The following IFT140 variants were observed in gnomAD, a reference collection of about 807,000 sequenced individuals.
IFT140 encodes the protein intraflagellar transport 140, also known as intraflagellar transport protein 140 homolog.
Under a neutral mutation model 164.6 loss-of-function variants are expected in IFT140, and 133 were observed. The observed-to-expected ratio is 0.81, with a 90% confidence interval of 0.70 to 0.93. IFT140 has a LOEUF of 0.93. IFT140 is among the 40% of genes least tolerant of loss of function. IFT140 has a pLI of 0.00. For missense variants in IFT140, 2,045 were observed against 1,972.3 expected, an observed-to-expected ratio of 1.04 and a Z score of -0.70; for synonymous variants, 860 against 817.3, an observed-to-expected ratio of 1.05 and a Z score of -0.89.
At chr16:1,579,070 C>G (rs2034421737) in intron 13 of IFT140, among the ~76,000 whole-genome samples, 1 of 152,168 alleles carries the variant, frequency 6.6e-6, no homozygotes, top group African/African-American at 2.4e-5. Context: ...TTGTTGACAA[C>G]AAGACTTACC....
chr16:1,539,973 G>C (rs2141275333), intron 19 of IFT140, among the ~76,000 whole-genome samples: 1 of 152,346 alleles, frequency 6.6e-6, no homozygotes. Flanking sequence ...CAGTGGAAAA[G>C]CCTGGCATCC....
In IFT140 at chr16:1,602,679, C is replaced by A. The variant is rs140148755; in HGVS notation, c.148-88G>T. The A allele has an allele frequency of 6.9e-3, 8,597 of 1,239,520 alleles. 46 individuals carry two copies. Among genetic ancestry groups the A allele is most frequent in the Non-Finnish European group, 8.5e-3 (7,448 of 875,260 alleles). 76.8% of individuals were successfully genotyped at this position (1,239,520 alleles called of 1,614,324 possible). A position where few individuals can be genotyped will look rare whatever the true frequency, so the allele number is the denominator to read the frequency against. On this transcript the variant is annotated intron_variant, in intron 3 of 30. Coordinates refer to ENST00000426508, the MANE Select transcript of IFT140 (RefSeq NM_014714.4). ...TGTCTAGGCCGGGCACGGCGGCTCA[C>A]TCCTGTAATTACAGCACTTTGGGAG...
intron 4 of IFT140, among the ~76,000 whole-genome samples, chr16:1,600,417 C>A (rs1596457899): frequency 7.0e-6 from 1 of 142,904 alleles, no homozygotes; most frequent in South Asian, 2.4e-4. Flanking sequence ...CTGCCAAATC[C>A]CCCTCTGTGA....
rs368307981 is a variant in IFT140, at chr16:1,526,777, T to C, written c.2419A>G (p.Met807Val). The change falls in exon 20 of 31, where the codon ATG (methionine) becomes GTG (valine). Residue 807 changes from methionine to valine, a missense_variant. Physicochemically the swap from Met to Val is conservative, Grantham distance 21. Coordinates refer to ENST00000426508, the MANE Select transcript of IFT140 (RefSeq NM_014714.4). ...LIKSEAVWEN[M>V]ARMCVKTQRL... ...TGGGTCTTCACGCACATGCGCGCCA[T>C]GTTCTCCCAGACGGCCTCACTGTGG... The C allele has an allele frequency of 3.1e-6, 5 of 1,610,078 alleles. No homozygotes were observed. In the African/African-American group the frequency reaches 4.0e-5, roughly 13 times the overall value.
rs1567327347 is a variant in IFT140, at chr16:1,523,905, CG to C, written c.3192del (p.Glu1065ArgfsTer3). On this transcript the variant is annotated frameshift_variant, in exon 25 of 31. Transcript: ENST00000426508. LOFTEE classifies it high-confidence loss of function. The part of the protein sequence containing the change: ...QLMNLALLSS[P>X]EDMIEAARYY... ...TATCGGGCCGCCTCGATCATGTCCTCGGGGGAGCTCAGCAGGGCCAAGTTCA... is the reference window on the plus strand; with the variant it reads ...TATCGGGCCGCCTCGATCATGTCCTCGGGGAGCTCAGCAGGGCCAAGTTCA... The C allele has an allele frequency of 6.2e-7, 1 of 1,613,480 alleles. No individual in the cohort carries two copies.
intron 6 of IFT140, among the ~76,000 whole-genome samples, chr16:1,591,717 C>T (rs1191330186): frequency 1.3e-5 from 2 of 152,194 alleles, no homozygotes; most frequent in African/African-American, 4.8e-5. Context: ...GCGCTGACCT[C>T]CCCATGAAGG....
At position 1,520,001 on chromosome 16, in the gene IFT140, A is replaced by G. The variant is rs761853895; in HGVS notation, c.3920T>C (p.Leu1307Pro). Residue 1307 changes from leucine to proline, a missense_variant, in exon 29 of 31, where the codon CTG becomes CCG. Transcript: ENST00000426508. The stretch of plus-strand genomic sequence containing the variant: ...GGCCAGGCACTTGTAGGCCTCGGTC[A>G]GCGCCCCGTGGGCTTTGTCGTAGTT... ...YQNYDKAHGA[L>P]TEAYKCLAKA... is the part of the protein sequence containing the mutation. 6.2e-7 allele frequency: 1 copy of G among 1,604,328 alleles called. No homozygotes were observed. The highest frequency in any genetic ancestry group is 8.5e-7 in the Non-Finnish European group (1 of 1,175,826).
intron 19 of IFT140, chr16:1,530,922 C>T (rs1418986574): frequency 6.6e-6 from 1 of 152,414 alleles, no homozygotes; most frequent in East Asian, 1.9e-4. Flanking sequence ...CTGGACACGC[C>T]CTCCTACAGG....
intron 19 of IFT140, among the ~76,000 whole-genome samples, chr16:1,536,430 G>C (rs1168924908): frequency 6.6e-6 from 1 of 152,136 alleles, no homozygotes; most frequent in Non-Finnish European, 1.5e-5. Flanking sequence ...CTGAGCCCTG[G>C]TCAGCCCCTT....
chr16:1,526,898 C>T, intron 19 of IFT140, 102 bp from the exon 20 acceptor site: 2 of 1,317,884 alleles, frequency 1.5e-6, no homozygotes, highest in Middle Eastern at 2.6e-4. Context: ...GGCACAGCTG[C>T]CAAACGGGCA....
At chr16:1,583,424 A>G in intron 11 of IFT140, 38 bp from the exon 12 acceptor site, 1 of 1,582,398 alleles carries the variant, frequency 6.3e-7, no homozygotes, top group Non-Finnish European at 8.7e-7. Context: ...AAAGGGCGGG[A>G]AAAGTGAGGT....
rs907014600 is a variant in IFT140, at chr16:1,519,768, A to G, written c.4040+113T>C. 2.9e-6 allele frequency: 3 copies of G among 1,028,420 alleles called. No individual in the cohort carries two copies. The African/African-American group carries it at 4.9e-5, about 17-fold the overall frequency. The allele number at this position is 1,028,420 out of a possible 1,614,324, so 63.7% of individuals were successfully genotyped here. A position where few individuals can be genotyped will look rare whatever the true frequency, so the allele number is the denominator to read the frequency against. On this transcript the variant is annotated intron_variant, in intron 29 of 30. Transcript: ENST00000426508. ...TGTCTTCAGCAGTAGTGCTGTCCCAAGTGAGCTCCCATCTGCTGTCCTGCC... is the reference window on the plus strand; with the variant it reads ...TGTCTTCAGCAGTAGTGCTGTCCCAGGTGAGCTCCCATCTGCTGTCCTGCC...
intron 19 of IFT140, chr16:1,555,352 T>C (rs563731219): frequency 3.4e-6 from 1 of 296,726 alleles, no homozygotes; most frequent in Non-Finnish European, 6.4e-6. Context: ...CCGCTTTGCT[T>C]TGGGATTAAT....
In IFT140 at chr16:1,511,084, G is replaced by T; in HGVS notation, c.4249C>A (p.Pro1417Thr). The T allele has an allele frequency of 6.2e-7, 1 of 1,610,478 alleles. No homozygotes were observed. The highest frequency in any genetic ancestry group is 1.1e-5 in the South Asian group (1 of 90,522). ...CGGTGCACGGCGTCCACGGCCTGCG[G>T]GCTCACGTAGTAGGACATGTTGGCC... ...PLANMSYYVS[P>T]QAVDAVHRGL... The change falls in exon 31 of 31, where the codon CCG (proline) becomes ACG (threonine). Residue 1417 changes from proline (P) to threonine (T), a missense_variant. Pro to Thr is a conservative substitution (Grantham distance 38). Coordinates refer to ENST00000426508, the MANE Select transcript of IFT140 (RefSeq NM_014714.4).
At chr16:1,525,050 C>G (rs866512889) in intron 22 of IFT140, 134 bp from the exon 23 acceptor site, 2 of 1,360,396 alleles carry the variant, frequency 1.5e-6, no homozygotes, top group Middle Eastern at 2.6e-4. Context: ...AGAGTGAGGA[C>G]CCCTGGCTTT....
chr16:1,514,132 G>C (rs889496975), intron 30 of IFT140: 3 of 151,168 alleles, frequency 2.0e-5, no homozygotes, highest in African/African-American at 7.3e-5. Flanking sequence ...ACTTTGGGAG[G>C]CCAAGGTGGG....
Position 1,525,308 on chromosome 16 carries a change from CG to C in IFT140, c.2786del (p.Thr929SerfsTer21), listed in dbSNP as rs775831971. On this transcript the variant is annotated frameshift_variant, in exon 22 of 31. Coordinates refer to ENST00000426508, the MANE Select transcript of IFT140 (RefSeq NM_014714.4). LOFTEE classifies it high-confidence loss of function. ...RALSYYEKSDTHRFEVPRMLS... is the reference protein window; with the variant it reads ...RALSYYEKSDXHRFEVPRMLS... ...GCATCCTGGGCACCTCGAAGCGGTG[CG>C]TGTCCGACTTCTCGTAGCTGTGAGA... The C allele has an allele frequency of 6.2e-7, 1 of 1,612,128 alleles. No individual in the cohort carries two copies. Among genetic ancestry groups the C allele is most frequent in the Admixed American group, 1.7e-5 (1 of 60,030 alleles).
chr16:1,562,697 G>A (rs1217903025), intron 17 of IFT140, among the ~76,000 whole-genome samples: 1 of 152,072 alleles, frequency 6.6e-6, no homozygotes, highest in Non-Finnish European at 1.5e-5. Context: ...GCTTGAACCC[G>A]GGAGGCAGAG....
chr16:1,550,962 C>T (rs2032585341), intron 19 of IFT140, among the ~76,000 whole-genome samples: 1 of 152,180 alleles, frequency 6.6e-6, no homozygotes, highest in Non-Finnish European at 1.5e-5. Context: ...AATCGTGCTG[C>T]CCCTCCGTGA....
Sources: allele counts gnomAD v4.1 joint callset (sites outside exome capture counted in the v4.1 genomes callset), GRCh38; gene constraint gnomAD v4.1.1; transcripts MANE v1.5; gene names NCBI Gene and HGNC (gene_info 2026-07-23, HGNC 2026-07-21).